SDCBP2: variants seen among roughly 807,000 people sequenced by gnomAD.
SDCBP2 encodes the protein syntenin-2.
SDCBP2 carries 28 observed loss-of-function variants against 30.7 expected under a neutral mutation model. The ratio of observed to expected loss-of-function variants is 0.91; its 90% CI spans 0.68 to 1.25. The LOEUF is 1.25. Among genes scored for constraint, SDCBP2 ranks in the 50% most tolerant of loss-of-function variants. The pLI, the probability that SDCBP2 is intolerant of heterozygous loss-of-function variation, is 0.00. For synonymous variants in SDCBP2, 166 were observed against 157.3 expected (o/e 1.06, Z -0.41); for missense variants, 399 against 379.0 (o/e 1.05, Z -0.44).
chr20:1,314,933 A>G (rs1039162444), intron 4 of SDCBP2, among the ~76,000 whole-genome samples: 1 of 152,226 alleles, frequency 6.6e-6, no homozygotes. Flanking sequence ...TTGCCACCAA[A>G]TTGATATACA....
chr20:1,326,543 T>TATGA (rs1253255163), intron 1 of SDCBP2, among the ~76,000 whole-genome samples: 1 of 152,402 alleles, frequency 6.6e-6, no homozygotes, highest in African/African-American at 2.4e-5. Context: ...GAGTCATTCA[T>TATGA]GCCTTCTCTC....
chr20:1,317,176 T>C (rs1487182629), intron 4 of SDCBP2, among the ~76,000 whole-genome samples: 1 of 151,876 alleles, frequency 6.6e-6, no homozygotes, highest in Non-Finnish European at 1.5e-5. Context: ...ATTGCAGTAC[T>C]GGTTACATGA....
chr20:1,311,684 G>C (rs1038597638), intron 7 of SDCBP2, among the ~76,000 whole-genome samples: 8 of 152,214 alleles, frequency 5.3e-5, no homozygotes, highest in Non-Finnish European at 1.2e-4. Context: ...AAGAAGTGTG[G>C]CTGGCTGGGA....
intron 1 of SDCBP2, among the ~76,000 whole-genome samples, chr20:1,328,669 G>A (rs985101177): frequency 1.1e-4 from 16 of 152,192 alleles, no homozygotes; most frequent in Admixed American, 2.0e-4. Flanking sequence ...TGGCAGGAAG[G>A]TTTTTTGATA....
intron 4 of SDCBP2, among the ~76,000 whole-genome samples, chr20:1,315,856 C>T (rs1335001443): frequency 6.6e-6 from 1 of 152,118 alleles, no homozygotes; most frequent in Non-Finnish European, 1.5e-5. Flanking sequence ...CTTTAGAATA[C>T]ACAAAGAACT....
chr20:1,312,296 C>T (rs769836482), intron 7 of SDCBP2, 41 bp downstream of exon 7: 1 of 1,596,438 alleles, frequency 6.3e-7, no homozygotes, highest in Non-Finnish European at 8.5e-7. Flanking sequence ...TGAGCCCTCC[C>T]ACCACCCGGC....
At position 1,320,018 on chromosome 20, in the gene SDCBP2, G is replaced by A. The variant is rs771009334; in HGVS notation, c.54+345C>T. Among the ~76,000 whole-genome samples, 2 of 152,176 alleles carry A rather than the reference G, an allele frequency of 1.3e-5. No individual in the cohort carries two copies. Among genetic ancestry groups the A allele is most frequent in the Non-Finnish European group, 2.9e-5 (2 of 68,028 alleles). ...GGGATGGAGGAGGAAGGGGGCTTCTGGGGGCTAAGCAGACCAATGCCTATG... is the reference window on the plus strand; with the variant it reads ...GGGATGGAGGAGGAAGGGGGCTTCTAGGGGCTAAGCAGACCAATGCCTATG... On this transcript the variant is annotated intron_variant, in intron 2 of 8. Coordinates refer to ENST00000360779, the MANE Select transcript of SDCBP2 (RefSeq NM_080489.5). The surrounding 1 kb of genome is among the most constrained non-coding windows in gnomAD (Gnocchi z 4.7).
intron 7 of SDCBP2, among the ~76,000 whole-genome samples, chr20:1,311,509 A>G (rs1388301109): frequency 1.3e-5 from 2 of 152,272 alleles, no homozygotes; most frequent in Non-Finnish European, 1.5e-5. Context: ...TGGCCATAGA[A>G]GAGCCTCTGG....
In SDCBP2 at chr20:1,320,386, G is replaced by T; in HGVS notation, c.31C>A (p.Leu11Ile). The change falls in exon 2 of 9, where the codon CTA becomes ATA. Residue 11 changes from leucine to isoleucine, a missense_variant. By Grantham distance (5) the Leu-to-Ile change is conservative. Transcript: ENST00000360779. This position sits in a 1 kb window ranked among gnomAD's most constrained non-coding sequence, Gnocchi z 4.7. MSSLYPSLED[L>I]KVDQAIQAQV... ...ACCTGAATGGCTTGGTCCACTTTTA[G>T]GTCCTCTAGAGATGGGTACAGGGAT... The T allele has an allele frequency of 6.2e-7, 1 of 1,613,670 alleles. No individual in the cohort carries two copies. Among genetic ancestry groups the T allele is most frequent in the Non-Finnish European group, 8.5e-7 (1 of 1,179,606 alleles).
At chr20:1,316,491 G>A (rs2088778331) in intron 4 of SDCBP2, among the ~76,000 whole-genome samples, 1 of 152,184 alleles carries the variant, frequency 6.6e-6, no homozygotes. Flanking sequence ...CTGGGCTCAA[G>A]CAATCCTCCT....
At chr20:1,315,421 C>T (rs968148487) in intron 4 of SDCBP2, among the ~76,000 whole-genome samples, 1 of 152,038 alleles carries the variant, frequency 6.6e-6, no homozygotes, top group African/African-American at 2.4e-5. Flanking sequence ...CCCAGATACG[C>T]AGGAGGCTGA....
At chr20:1,325,129 G>A (rs6041440) in intron 1 of SDCBP2, among the ~76,000 whole-genome samples, 49,620 of 151,970 alleles carry the variant, frequency 0.33, 8,959 homozygotes, top group African/African-American at 0.48. Flanking sequence ...CATCCACCGC[G>A]CCACAGGAGC....
chr20:1,325,008 G>A (rs547692222), intron 1 of SDCBP2, among the ~76,000 whole-genome samples: 1 of 152,222 alleles, frequency 6.6e-6, no homozygotes, highest in Admixed American at 6.5e-5. Context: ...GCATCATATT[G>A]ATTTTTTACC....
intron 1 of SDCBP2, among the ~76,000 whole-genome samples, chr20:1,325,020 G>A (rs1189024125): frequency 6.6e-6 from 1 of 152,024 alleles, no homozygotes; most frequent in African/African-American, 2.4e-5. Flanking sequence ...TTTTTTACCC[G>A]GGGAACCATC....
Position 1,324,710 on chromosome 20 carries a change from C to T in SDCBP2, c.-19-4275G>A, listed in dbSNP as rs1027159046. Among the ~76,000 whole-genome samples, 2 of 152,192 alleles carry T rather than the reference C, an allele frequency of 1.3e-5. No individual in the cohort carries two copies. The highest frequency in any genetic ancestry group is 2.9e-5 in the Non-Finnish European group (2 of 68,032). On this transcript the variant is annotated intron_variant, in intron 1 of 8. Coordinates refer to ENST00000360779, the MANE Select transcript of SDCBP2 (RefSeq NM_080489.5). The surrounding 1 kb of genome is among the most constrained non-coding windows in gnomAD (Gnocchi z 4.7). ...CTGGAAAATCGCTGCCCACCCTGCT[C>T]CCCACGGGTGAGTCACCCGAACAGC...
rs1600272226 is a variant in SDCBP2, at chr20:1,310,023, C to A, written c.*418G>T. 1 of 162,796 alleles carries A rather than the reference C, an allele frequency of 6.1e-6. No homozygotes were observed. Among genetic ancestry groups the A allele is most frequent in the Non-Finnish European group, 1.3e-5 (1 of 75,556 alleles). 10.1% of individuals were successfully genotyped at this position (162,796 alleles called of 1,614,324 possible). A position where few individuals can be genotyped will look rare whatever the true frequency, so the allele number is the denominator to read the frequency against. On this transcript the variant is annotated 3_prime_UTR_variant, in exon 9 of 9. Coordinates refer to ENST00000360779, the MANE Select transcript of SDCBP2 (RefSeq NM_080489.5). The stretch of plus-strand genomic sequence containing the variant: ...TTCAAAAGATAGTCAAGGCTGACAA[C>A]TTATGCAGTCTGTGACAAAGAGCAA...
intron 1 of SDCBP2, chr20:1,325,675 T>C (rs1018721470): frequency 1.3e-5 from 2 of 152,042 alleles, no homozygotes; most frequent in African/African-American, 2.4e-5. Context: ...GGAGGACTTA[T>C]AAGATTCTGT....
intron 4 of SDCBP2, chr20:1,318,072 G>A (rs917979988): frequency 5.1e-5 from 28 of 548,046 alleles, no homozygotes; most frequent in Non-Finnish European, 8.4e-5. Flanking sequence ...CAGGCCCAAG[G>A]TCAAAGGGCA....
At chr20:1,310,697 C>A in intron 8 of SDCBP2, 103 bp downstream of exon 8, 1 of 1,129,032 alleles carries the variant, frequency 8.9e-7, no homozygotes, top group East Asian at 2.4e-5. Flanking sequence ...TGTGTCAGCA[C>A]TGAGAAAGTG....
Sources: gnomAD v4.1 joint callset for allele counts (sites outside exome capture counted in the v4.1 genomes callset) on GRCh38, gnomAD v4.1.1 for gene constraint, Gnocchi (gnomAD v3.1) non-coding constraint, MANE v1.5 for transcripts, NCBI Gene and HGNC (gene_info 2026-07-23, HGNC 2026-07-21) for gene names.